Variants in SORBS2 observed in about 807,000 individuals in gnomAD.
SORBS2 encodes sorbin and SH3 domain containing 2.
Under a neutral mutation model 97.7 loss-of-function variants are expected in SORBS2, and 46 were observed. The observed-to-expected ratio is 0.47, with a 90% confidence interval of 0.37 to 0.60. The LOEUF is 0.60. Ranked by LOEUF, SORBS2 falls within the 20% of genes least tolerant of loss-of-function variation. The pLI is 0.00. For missense variants in SORBS2, 1,316 were observed against 1,282.3 expected (o/e 1.03, Z -0.40); for synonymous variants, 476 against 473.4 (o/e 1.01, Z -0.07).
intron 1 of SORBS2, among the ~76,000 whole-genome samples, chr4:185,893,710 C>T (rs907844908): frequency 1.1e-4 from 17 of 152,138 alleles, no homozygotes; most frequent in African/African-American, 2.6e-4. Context: ...CCATTCCAGG[C>T]GATGGAAGGA....
intron 1 of SORBS2, among the ~76,000 whole-genome samples, chr4:185,921,038 CG>C (rs1370049162): frequency 6.6e-6 from 1 of 152,136 alleles, no homozygotes; most frequent in African/African-American, 2.4e-5. Flanking sequence ...GAGGGCTGGG[CG>C]GGGAATGCTG....
At chr4:185,930,500 G>A (rs908175547) in intron 1 of SORBS2, among the ~76,000 whole-genome samples, 3 of 151,992 alleles carry the variant, frequency 2.0e-5, no homozygotes, top group Non-Finnish European at 4.4e-5. Flanking sequence ...GGGTTTCACC[G>A]TGTTAGCCAG....
chr4:185,953,250 T>C (rs1041253464), intron 1 of SORBS2, among the ~76,000 whole-genome samples: 6 of 152,046 alleles, frequency 3.9e-5, no homozygotes, highest in Non-Finnish European at 7.4e-5. Flanking sequence ...GGAGGTGGAG[T>C]TTGCAGTGAG....
intron 4 of SORBS2, among the ~76,000 whole-genome samples, chr4:185,667,137 T>A (rs2097619839): frequency 6.6e-6 from 1 of 152,206 alleles, no homozygotes; most frequent in Admixed American, 6.5e-5. Context: ...TTCTTACTTA[T>A]TTTTTCTACC....
intron 1 of SORBS2, among the ~76,000 whole-genome samples, chr4:185,910,663 A>G (rs2099254476): frequency 1.3e-5 from 2 of 151,902 alleles, no homozygotes; most frequent in South Asian, 4.2e-4. Context: ...CTCCCACCTC[A>G]GCCTCCTTAG....
intron 2 of SORBS2, among the ~76,000 whole-genome samples, chr4:185,751,546 G>C (rs368808201): frequency 2.6e-5 from 4 of 152,184 alleles, no homozygotes; most frequent in South Asian, 2.1e-4. Context: ...TAGCATGAGA[G>C]GGAGGTGCAG....
chr4:185,667,603 C>T (rs1321341370), intron 4 of SORBS2, among the ~76,000 whole-genome samples: 2 of 151,148 alleles, frequency 1.3e-5, no homozygotes, highest in African/African-American at 4.9e-5. Flanking sequence ...GAAACCCCAA[C>T]CTTGGATAAA....
rs1376268006 is a variant in SORBS2, at chr4:185,587,693, A to C, written c.2954-5T>G. 1 of 1,611,392 alleles carries C rather than the reference A, an allele frequency of 6.2e-7. No individual in the cohort carries two copies. Among genetic ancestry groups the C allele is most frequent in the East Asian group, 2.2e-5 (1 of 44,868 alleles). ...ATTTGGTTCTTCTTGAGGTCCCTGA[A>C]AATAGAAGCGAGTCATGAAAGGGGG... On this transcript the variant is annotated splice_polypyrimidine_tract_variant and splice_region_variant and intron_variant, in intron 14 of 14. Transcript: ENST00000418609.
intron 2 of SORBS2, among the ~76,000 whole-genome samples, chr4:185,686,599 A>T (rs549819754): frequency 3.9e-5 from 6 of 152,330 alleles, no homozygotes; most frequent in African/African-American, 1.4e-4. Context: ...GATAAGATGG[A>T]GGTGATGTTA....
intron 1 of SORBS2, among the ~76,000 whole-genome samples, chr4:185,847,142 A>G (rs1049544396): frequency 6.6e-6 from 1 of 152,206 alleles, no homozygotes; most frequent in South Asian, 2.1e-4. Flanking sequence ...TAACAGATTC[A>G]GTGTTGATAG....
intron 2 of SORBS2, among the ~76,000 whole-genome samples, chr4:185,718,782 T>C (rs925049657): frequency 3.9e-5 from 6 of 152,226 alleles, no homozygotes; most frequent in Admixed American, 6.5e-5. Flanking sequence ...TTTGTGGACT[T>C]CTGCTCCCTC....
chr4:185,756,251 C>T (rs1267982685), intron 2 of SORBS2, among the ~76,000 whole-genome samples: 3 of 150,404 alleles, frequency 2.0e-5, no homozygotes, highest in Admixed American at 6.8e-5. Context: ...TATTAGAACA[C>T]GTAACTCTGT....
intron 1 of SORBS2, among the ~76,000 whole-genome samples, chr4:185,833,902 T>C (rs1186688481): frequency 6.6e-6 from 1 of 152,192 alleles, no homozygotes; most frequent in Non-Finnish European, 1.5e-5. Context: ...AGTGTCTATC[T>C]TCCTCATTGG....
In SORBS2 at chr4:185,606,117, C is replaced by T. The variant is rs2096412462; in HGVS notation, c.2796+5663G>A. The T allele has an allele frequency of 1.0e-6, 1 of 985,224 alleles. No homozygotes were observed. Among genetic ancestry groups the T allele is most frequent in the African/African-American group, 1.7e-5 (1 of 57,210 alleles). 61.0% of individuals were successfully genotyped at this position (985,224 alleles called of 1,614,324 possible). A position where few individuals can be genotyped will look rare whatever the true frequency, so the allele number is the denominator to read the frequency against. ...TTATTTTTGCAAAGTGCCGTTATGT[C>T]AAAGGTATGGTGTACAGTTTCTCAT... On this transcript the variant is annotated intron_variant, in intron 12 of 14. Coordinates refer to ENST00000418609, the Ensembl canonical transcript of SORBS2. This position sits in a 1 kb window ranked among gnomAD's most constrained non-coding sequence, Gnocchi z 4.3.
At chr4:185,866,559 C>T (rs751455300) in intron 1 of SORBS2, among the ~76,000 whole-genome samples, 1 of 152,176 alleles carries the variant, frequency 6.6e-6, no homozygotes, top group Non-Finnish European at 1.5e-5. Context: ...GAGGTAATAA[C>T]GGATTCGCTT....
intron 2 of SORBS2, among the ~76,000 whole-genome samples, chr4:185,700,590 C>G (rs1012492130): frequency 6.6e-6 from 1 of 152,072 alleles, no homozygotes; most frequent in African/African-American, 2.4e-5. Flanking sequence ...CTTCAATATT[C>G]CCTCAAGATG....
intron 1 of SORBS2, among the ~76,000 whole-genome samples, chr4:185,936,596 T>C (rs893221556): frequency 6.6e-6 from 1 of 152,246 alleles, no homozygotes; most frequent in Non-Finnish European, 1.5e-5. Flanking sequence ...AATTCTGAAT[T>C]CTTCAAGCTG....
At chr4:185,850,176 A>G (rs1265666471) in intron 1 of SORBS2, among the ~76,000 whole-genome samples, 1 of 152,306 alleles carries the variant, frequency 6.6e-6, no homozygotes, top group South Asian at 2.1e-4. Context: ...CCCCTCGGGC[A>G]TGAGTCACCA....
chr4:185,926,596 CA>C (rs2149946701), intron 1 of SORBS2, among the ~76,000 whole-genome samples: 1 of 150,710 alleles, frequency 6.6e-6, no homozygotes, highest in East Asian at 2.0e-4. Context: ...TTATAAAAGC[CA>C]ATTTTTAAAA....
Sources: gnomAD v4.1 joint callset for allele counts (sites outside exome capture counted in the v4.1 genomes callset) on GRCh38, gnomAD v4.1.1 for gene constraint, Gnocchi (gnomAD v3.1) non-coding constraint, MANE v1.5 for transcripts, NCBI Gene and HGNC (gene_info 2026-07-23, HGNC 2026-07-21) for gene names.